Variants in PREX2 observed in about 807,000 individuals in gnomAD.
PREX2 encodes the protein phosphatidylinositol-3,4,5-trisphosphate dependent Rac exchange factor 2, also known as phosphatidylinositol 3,4,5-trisphosphate-dependent Rac exchanger 2 protein.
Under a neutral mutation model 203.2 loss-of-function variants are expected in PREX2, and 107 were observed. The observed-to-expected ratio is 0.53, with a 90% CI of 0.45 to 0.62. The LOEUF is 0.62. PREX2 is among the 20% of genes least tolerant of loss of function. PREX2 has a pLI of 0.00. For synonymous variants in PREX2, 672 were observed against 663.6 expected, an observed-to-expected ratio of 1.01 and a Z score of -0.19; for missense variants, 1,777 against 1,955.9, an observed-to-expected ratio of 0.91 and a Z score of 1.72.
At chr8:68,102,802 T>C in intron 23 of PREX2, 1 of 517,652 alleles carries the variant, frequency 1.9e-6, no homozygotes, top group South Asian at 1.4e-5. Flanking sequence ...ATAATAGATT[T>C]CCTGGCTGGT....
At position 68,228,944 on chromosome 8, in the gene PREX2, TAAAAAAAAAAAAAAAAAAA is replaced by T. The variant is rs58993264; in HGVS notation, c.4776-2384_4776-2366del. Among the ~76,000 whole-genome samples the T allele has an allele frequency of 4.8e-5, 5 of 103,538 alleles. No individual in the cohort carries two copies. The Admixed American group carries it at 5.8e-4, about 12-fold the overall frequency. The allele number at this position is 103,538 out of a possible 152,430, so 67.9% of individuals were successfully genotyped here. Reference sequence around the variant, plus strand: ...GAGACAGAGTGAGACCTTGTCTCTTTAAAAAAAAAAAAAAAAAAAAAAAGAAAGAAAAAAATGGCTATGT... The same window carrying T: ...GAGACAGAGTGAGACCTTGTCTCTTTAAAAGAAAGAAAAAAATGGCTATGT... On this transcript the variant is annotated intron_variant, in intron 39 of 39. Transcript: ENST00000288368.
At chr8:68,208,063 A>G (rs1485370282) in intron 37 of PREX2, among the ~76,000 whole-genome samples, 1 of 152,182 alleles carries the variant, frequency 6.6e-6, no homozygotes, top group Admixed American at 6.5e-5. Flanking sequence ...TTATATCTGC[A>G]TTTTAAAAAG....
intron 35 of PREX2, among the ~76,000 whole-genome samples, chr8:68,176,360 A>G (rs1483260434): frequency 2.1e-4 from 32 of 152,154 alleles, no homozygotes. Context: ...GAAAGTTTTC[A>G]GTTTGTTTTG....
At chr8:68,069,428 T>G (rs564505793) in intron 12 of PREX2, among the ~76,000 whole-genome samples, 2 of 151,034 alleles carry the variant, frequency 1.3e-5, no homozygotes, top group East Asian at 3.9e-4. Context: ...ATACTTGAAT[T>G]AAAAAAAATA....
intron 37 of PREX2, among the ~76,000 whole-genome samples, chr8:68,195,225 T>A (rs1446316812): frequency 6.6e-6 from 1 of 152,258 alleles, no homozygotes; most frequent in Non-Finnish European, 1.5e-5. Flanking sequence ...TAGTTTGATG[T>A]TCCACAGCTA....
chr8:68,164,512 CT>C (rs1166154936), intron 35 of PREX2, among the ~76,000 whole-genome samples: 1 of 151,042 alleles, frequency 6.6e-6, no homozygotes, highest in African/African-American at 2.4e-5. Context: ...TTTAATAAAT[CT>C]TTTATTATCA....
chr8:68,033,535 T>C (rs1807945042), intron 6 of PREX2, among the ~76,000 whole-genome samples: 1 of 152,178 alleles, frequency 6.6e-6, no homozygotes, highest in Non-Finnish European at 1.5e-5. Flanking sequence ...TTTAAAAGAT[T>C]GGGTAGCTTG....
chr8:67,955,335 A>G (rs904824723), intron 1 of PREX2, among the ~76,000 whole-genome samples: 4 of 152,026 alleles, frequency 2.6e-5, no homozygotes, highest in Non-Finnish European at 5.9e-5. Context: ...AAGCTAAGGT[A>G]TGGGTCTATC....
intron 23 of PREX2, among the ~76,000 whole-genome samples, chr8:68,104,283 T>C (rs1035924050): frequency 6.6e-6 from 1 of 152,222 alleles, no homozygotes. Flanking sequence ...GCTGTACACT[T>C]CACTCATGGT....
chr8:68,163,270 A>C (rs1203287854), intron 35 of PREX2, among the ~76,000 whole-genome samples: 1 of 152,222 alleles, frequency 6.6e-6, no homozygotes, highest in African/African-American at 2.4e-5. Flanking sequence ...AGTTGTATTC[A>C]AACTGTGTCT....
intron 31 of PREX2, among the ~76,000 whole-genome samples, chr8:68,132,609 C>T (rs1263449897): frequency 6.6e-6 from 1 of 152,018 alleles, no homozygotes; most frequent in African/African-American, 2.4e-5. Context: ...AACAGATGTT[C>T]AGTGTTCTTG....
In PREX2 at chr8:68,231,368, GAGA is replaced by G. The variant is rs1284807635; in HGVS notation, c.4816_4818del (p.Glu1606del). 1 of 1,599,388 alleles carries G rather than the reference GAGA, an allele frequency of 6.3e-7. No individual in the cohort carries two copies. Among genetic ancestry groups the G allele is most frequent in the Non-Finnish European group, 8.5e-7 (1 of 1,173,866 alleles). On this transcript the variant is annotated inframe_deletion, in exon 40 of 40. Transcript: ENST00000288368. ...CTGTGCGAGCCACCTCCCCCAGCTG[GAGA>G]AGAATGAAAAGAACTCCCAAGAAAC... is the stretch of plus-strand genomic sequence containing the variant.
intron 37 of PREX2, among the ~76,000 whole-genome samples, chr8:68,217,061 C>G (rs1040871765): frequency 6.6e-6 from 1 of 152,006 alleles, no homozygotes. Context: ...TTTCTCAGGG[C>G]TACTCTGGGT....
Position 68,090,623 on chromosome 8 carries a change from A to T in PREX2, c.2158A>T (p.Ile720Phe), listed in dbSNP as rs760177073. Residue 720 changes from isoleucine (I) to phenylalanine (F), a missense_variant, in exon 20 of 40, where the codon ATC (isoleucine) becomes TTC (phenylalanine). Ile to Phe is a conservative substitution (Grantham distance 21). Transcript: ENST00000288368. Reference protein sequence around the residue: ...AAGLHPGQCIIKVNGINVSKE... With the variant: ...AAGLHPGQCIFKVNGINVSKE... ...TGGTCTTCACCCTGGACAGTGCATT[A>T]TCAAGGTGAATGGAATCAATGTCAG... 3 of 1,613,656 alleles carry T rather than the reference A, an allele frequency of 1.9e-6. No homozygotes were observed. Among genetic ancestry groups the T allele is most frequent in the Non-Finnish European group, 2.5e-6 (3 of 1,179,574 alleles).
intron 38 of PREX2, chr8:68,220,415 T>C (rs1395868461): frequency 6.6e-6 from 1 of 152,190 alleles, no homozygotes; most frequent in Non-Finnish European, 1.5e-5. Context: ...ATTCCTAGTG[T>C]TCTTTGTTGG....
intron 39 of PREX2, among the ~76,000 whole-genome samples, chr8:68,226,730 T>C (rs1303580234): frequency 6.6e-6 from 1 of 152,180 alleles, no homozygotes; most frequent in Non-Finnish European, 1.5e-5. Flanking sequence ...CCACCAGTTG[T>C]TGAAGTGTAG....
At chr8:68,028,497 C>A (rs1807794824) in intron 5 of PREX2, among the ~76,000 whole-genome samples, 1 of 152,014 alleles carries the variant, frequency 6.6e-6, no homozygotes, top group African/African-American at 2.4e-5. Flanking sequence ...TAGTTTAATA[C>A]AACTCTTGTC....
chr8:68,002,331 G>C (rs1469896966), intron 1 of PREX2, among the ~76,000 whole-genome samples: 1 of 151,932 alleles, frequency 6.6e-6, no homozygotes, highest in Non-Finnish European at 1.5e-5. Flanking sequence ...TATTTTAGTA[G>C]AGATAGTGTT....
chr8:68,030,693 T>TA, intron 6 of PREX2, 35 bp downstream of exon 6: 1 of 1,604,822 alleles, frequency 6.2e-7, no homozygotes, highest in Non-Finnish European at 8.5e-7. Context: ...GAGCTTAAGA[T>TA]AGTTTTATGT....
Sources: gnomAD v4.1 joint callset for allele counts (sites outside exome capture counted in the v4.1 genomes callset) on GRCh38, gnomAD v4.1.1 for gene constraint, MANE v1.5 for transcripts, NCBI Gene and HGNC (gene_info 2026-07-23, HGNC 2026-07-21) for gene names.